The following TLK2 variants were observed in gnomAD, a reference collection of about 807,000 sequenced individuals.
TLK2 encodes the protein serine/threonine-protein kinase tousled-like 2.
Under a neutral mutation model 117.3 loss-of-function variants are expected in TLK2, and 6 were observed. The observed-to-expected ratio is 0.05, with a 90% confidence interval of 0.03 to 0.10. The LOEUF (loss-of-function observed/expected upper bound fraction) is 0.10, where lower values mean the gene tolerates loss of function less well. TLK2 is among the 10% of genes least tolerant of loss of function. The pLI, the probability that TLK2 is intolerant of heterozygous loss-of-function variation, is 1.00. For synonymous variants in TLK2, 257 were observed against 316.7 expected, an observed-to-expected ratio of 0.81 and a Z score of 2.00; for missense variants, 299 against 901.2, an observed-to-expected ratio of 0.33 and a Z score of 8.56.
In TLK2 at chr17:62,602,112, C is replaced by T; in HGVS notation, c.1791C>T (p.Ile597=). 3 of 1,613,696 alleles carry T rather than the reference C, an allele frequency of 1.9e-6. No homozygotes were observed. Among genetic ancestry groups the T allele is most frequent in the Non-Finnish European group, 2.5e-6 (3 of 1,179,766 alleles). ...TTACAGATTTTGGTCTTTCGAAGAT[C>T]ATGGATGATGATAGCTACAATTCAG... ...IKITDFGLSK[I]MDDDSYNSVD... The change falls in exon 19 of 22, where the codon ATC becomes ATT. Residue 597 remains isoleucine (I), a synonymous_variant. Transcript: ENST00000346027.
intron 2 of TLK2, among the ~76,000 whole-genome samples, chr17:62,511,346 A>T (rs1394571558): frequency 1.3e-5 from 2 of 152,160 alleles, no homozygotes; most frequent in Admixed American, 6.6e-5. Context: ...TTTCATAATT[A>T]ATATATATAA....
At chr17:62,534,881 CTTTTTTT>C (rs386386398) in intron 6 of TLK2, among the ~76,000 whole-genome samples, 9 of 73,006 alleles carry the variant, frequency 1.2e-4, no homozygotes, top group African/African-American at 4.6e-4. Flanking sequence ...TAATTCCAGT[CTTTTTTT>C]TTTTTTTTTT....
At chr17:62,499,703 T>C (rs1285272284) in intron 2 of TLK2, among the ~76,000 whole-genome samples, 1 of 151,886 alleles carries the variant, frequency 6.6e-6, no homozygotes, top group African/African-American at 2.4e-5. Context: ...TACAAAAAAT[T>C]AGCCGGGCAT....
chr17:62,482,285 G>C (rs1260547405), intron 2 of TLK2, among the ~76,000 whole-genome samples: 1 of 152,006 alleles, frequency 6.6e-6, no homozygotes, highest in Non-Finnish European at 1.5e-5. Flanking sequence ...TACAACATTT[G>C]TTTCTGTGCT....
intron 2 of TLK2, among the ~76,000 whole-genome samples, chr17:62,492,548 C>G (rs1050151612): frequency 6.6e-6 from 1 of 151,924 alleles, no homozygotes; most frequent in African/African-American, 2.4e-5. Context: ...ATCTCCGCCT[C>G]CCAGGTTCAA....
chr17:62,539,361 G>A (rs979313161), intron 7 of TLK2, among the ~76,000 whole-genome samples: 1 of 151,956 alleles, frequency 6.6e-6, no homozygotes, highest in Non-Finnish European at 1.5e-5. Flanking sequence ...TCTTTCACTC[G>A]GCTTCCACTC....
chr17:62,533,881 AAGGT>A (rs1322827520), intron 6 of TLK2, among the ~76,000 whole-genome samples: 1 of 152,180 alleles, frequency 6.6e-6, no homozygotes, highest in Non-Finnish European at 1.5e-5. Flanking sequence ...TATATGATAA[AAGGT>A]AGGAATCTTC....
At chr17:62,492,611 C>T (rs1160843998) in intron 2 of TLK2, among the ~76,000 whole-genome samples, 6 of 151,984 alleles carry the variant, frequency 3.9e-5, no homozygotes, top group Admixed American at 1.3e-4. Flanking sequence ...GGACCTGCCA[C>T]CTCGCCGGGC....
chr17:62,593,335 A>G (rs1455660621), intron 16 of TLK2, among the ~76,000 whole-genome samples: 1 of 152,158 alleles, frequency 6.6e-6, no homozygotes, highest in Non-Finnish European at 1.5e-5. Flanking sequence ...GCTACACTAC[A>G]TTTATTAAAA....
At chr17:62,532,366 G>A (rs558278491) in intron 6 of TLK2, among the ~76,000 whole-genome samples, 2 of 152,146 alleles carry the variant, frequency 1.3e-5, no homozygotes, top group African/African-American at 2.4e-5. Context: ...TTTTACTGTT[G>A]CAGCTCGTTC....
At chr17:62,596,178 A>G (rs555651116) in intron 16 of TLK2, among the ~76,000 whole-genome samples, 13 of 152,246 alleles carry the variant, frequency 8.5e-5, no homozygotes, top group Admixed American at 7.2e-4. Flanking sequence ...CCTGGGTTCA[A>G]GTGACTCCTA....
At chr17:62,574,233 T>G in intron 12 of TLK2, 3 of 1,442,632 alleles carry the variant, frequency 2.1e-6, no homozygotes, top group Non-Finnish European at 2.7e-6. Flanking sequence ...TTCATTCTAG[T>G]GAGAAAGATG....
intron 6 of TLK2, among the ~76,000 whole-genome samples, chr17:62,530,996 A>G (rs993837275): frequency 6.6e-6 from 1 of 152,020 alleles, no homozygotes; most frequent in Non-Finnish European, 1.5e-5. Context: ...GTTTCTTTGA[A>G]GGTATCTGCT....
chr17:62,595,986 G>C (rs1257430772), intron 16 of TLK2, among the ~76,000 whole-genome samples: 2 of 152,098 alleles, frequency 1.3e-5, no homozygotes, highest in Non-Finnish European at 1.5e-5. Context: ...GAGTATACGT[G>C]GAAAAGAGGT....
In TLK2 at chr17:62,536,350, C is replaced by T. The variant is rs2077111664; in HGVS notation, c.531+13C>T. 6.2e-7 allele frequency: 1 copy of T among 1,605,922 alleles called. No individual in the cohort carries two copies. Among genetic ancestry groups the T allele is most frequent in the Non-Finnish European group, 8.5e-7 (1 of 1,175,634 alleles). ...CACTTTTGTTTCAGTGAGTACAAAG[C>T]CTAAGTTAATTCATATCCTTTCCAT... On this transcript the variant is annotated intron_variant, in intron 7 of 21. Coordinates refer to ENST00000346027, the MANE Select transcript of TLK2 (RefSeq NM_006852.6).
chr17:62,611,597 C>T (rs2083773493), intron 21 of TLK2, among the ~76,000 whole-genome samples: 1 of 152,172 alleles, frequency 6.6e-6, no homozygotes, highest in Non-Finnish European at 1.5e-5. Flanking sequence ...CCTTGTCACC[C>T]TCATGTAAAA....
intron 19 of TLK2, among the ~76,000 whole-genome samples, chr17:62,603,159 ACTGT>A (rs1254657981): frequency 1.3e-5 from 2 of 152,242 alleles, no homozygotes; most frequent in East Asian, 3.9e-4. Flanking sequence ...GAGAGTACTG[ACTGT>A]CTGGGAATCA....
At chr17:62,486,761 A>G (rs2072442474) in intron 2 of TLK2, among the ~76,000 whole-genome samples, 1 of 152,256 alleles carries the variant, frequency 6.6e-6, no homozygotes, top group Non-Finnish European at 1.5e-5. Context: ...ACAGTACAAC[A>G]AAAGCAATAA....
At chr17:62,584,107 G>GTTTTTTTTTTT (rs572000997) in intron 15 of TLK2, among the ~76,000 whole-genome samples, 2 of 78,520 alleles carry the variant, frequency 2.5e-5, no homozygotes, top group Non-Finnish European at 4.5e-5. Context: ...TTCTTTTGTG[G>GTTTTTTTTTTT]TTTTTTTTTT....
Sources: allele counts gnomAD v4.1 joint callset (sites outside exome capture counted in the v4.1 genomes callset), GRCh38; gene constraint gnomAD v4.1.1; transcripts MANE v1.5; gene names NCBI Gene and HGNC (gene_info 2026-07-23, HGNC 2026-07-21).